Variants in RABGAP1 observed in about 807,000 individuals in gnomAD.
RABGAP1 encodes the protein RAB GTPase activating protein 1.
In RABGAP1, 23 loss-of-function variants were observed where a neutral mutation model predicts 137.6. The ratio of observed to expected loss-of-function variants is 0.17; its 90% CI spans 0.12 to 0.24. The LOEUF is 0.24. Among genes scored for constraint, RABGAP1 ranks in the 10% least tolerant of loss-of-function variants. The pLI is 1.00. For missense variants in RABGAP1, 906 were observed against 1,275.8 expected, an observed-to-expected ratio of 0.71 and a Z score of 4.42; for synonymous variants, 451 against 450.7, an observed-to-expected ratio of 1.00 and a Z score of -0.01.
At chr9:122,941,971 A>G (rs1334948306) in intron 1 of RABGAP1, among the ~76,000 whole-genome samples, 1 of 152,238 alleles carries the variant, frequency 6.6e-6, no homozygotes, top group Non-Finnish European at 1.5e-5. Flanking sequence ...GTGCTCCGTT[A>G]GTTTTAAATC....
intron 24 of RABGAP1, among the ~76,000 whole-genome samples, chr9:123,100,438 T>TGTGTGTGTGTGTGTG (rs1588418229): frequency 7.4e-6 from 1 of 135,792 alleles, no homozygotes. Context: ...TGTGTGTGTG[T>TGTGTGTGTGTGTGTG]TTGAGACAGA....
intron 19 of RABGAP1, among the ~76,000 whole-genome samples, chr9:123,087,293 T>G (rs2034898555): frequency 6.6e-6 from 1 of 152,176 alleles, no homozygotes; most frequent in African/African-American, 2.4e-5. Flanking sequence ...AATGAAAAGT[T>G]GAAGAAACTT....
At chr9:123,051,531 G>A (rs1447499723) in intron 13 of RABGAP1, among the ~76,000 whole-genome samples, 2 of 151,764 alleles carry the variant, frequency 1.3e-5, no homozygotes, top group Non-Finnish European at 2.9e-5. Flanking sequence ...ACAGGCATGA[G>A]CCACCACGCC....
intron 13 of RABGAP1, among the ~76,000 whole-genome samples, chr9:123,044,856 C>T (rs1250054046): frequency 1.3e-5 from 2 of 152,112 alleles, no homozygotes; most frequent in Admixed American, 6.5e-5. Context: ...TTCCTCTCCT[C>T]ACCCCAGACC....
At chr9:123,002,924 G>C (rs983690036) in intron 10 of RABGAP1, among the ~76,000 whole-genome samples, 1 of 152,026 alleles carries the variant, frequency 6.6e-6, no homozygotes, top group African/African-American at 2.4e-5. Flanking sequence ...GTGTGTATGT[G>C]GAAGCTCGGG....
intron 19 of RABGAP1, among the ~76,000 whole-genome samples, chr9:123,079,326 G>A (rs1366371626): frequency 6.8e-6 from 1 of 147,272 alleles, no homozygotes; most frequent in African/African-American, 2.5e-5. Context: ...TGCAACCTCC[G>A]CCTCCCGGGT....
chr9:123,098,685 A>G (rs1268328349), intron 22 of RABGAP1, 30 bp from the exon 23 acceptor site: 1 of 1,595,268 alleles, frequency 6.3e-7, no homozygotes, highest in Non-Finnish European at 8.6e-7. Flanking sequence ...TTCTGTTAAC[A>G]TAGTCCCTTT....
rs530605600 is a variant in RABGAP1, at chr9:123,012,607, G to A, written c.1549+2079G>A. Among the ~76,000 whole-genome samples the A allele has an allele frequency of 5.3e-5, 8 of 152,330 alleles. No individual in the cohort carries two copies. In the East Asian group the frequency reaches 1.5e-3, roughly 29 times the overall value. Reference sequence around the variant, plus strand: ...TACTGATAGTTCTTAACTAGGGAGAGATAAGGACTAATGGCAGTGTGTACC... The same window carrying A: ...TACTGATAGTTCTTAACTAGGGAGAAATAAGGACTAATGGCAGTGTGTACC... On this transcript the variant is annotated intron_variant, in intron 11 of 25. Coordinates refer to ENST00000373647, the MANE Select transcript of RABGAP1 (RefSeq NM_012197.4).
chr9:123,058,576 G>T (rs975299722), intron 13 of RABGAP1, among the ~76,000 whole-genome samples: 2 of 151,990 alleles, frequency 1.3e-5, no homozygotes, highest in Non-Finnish European at 2.9e-5. Flanking sequence ...AATGCAGTAA[G>T]GTATATCATT....
chr9:122,940,789 A>ATGTC (rs1307518279), upstream of RABGAP1: 1 of 152,866 alleles, frequency 6.5e-6, no homozygotes, highest in Non-Finnish European at 1.5e-5. Context: ...TACACAAGAC[A>ATGTC]GCCCAGGTCC....
chr9:122,990,765 G>A (rs1258303149), intron 6 of RABGAP1: 5 of 26,820 alleles, frequency 1.9e-4, no homozygotes, highest in Non-Finnish European at 1.7e-4. Flanking sequence ...ACGAAACTCC[G>A]TCTCAAAAAA....
intron 14 of RABGAP1, among the ~76,000 whole-genome samples, chr9:123,066,271 A>G (rs2034168428): frequency 6.6e-6 from 1 of 152,208 alleles, no homozygotes. Context: ...TTTAGATTTC[A>G]TTTTAACTTT....
chr9:123,079,661 T>C (rs1377969011), intron 19 of RABGAP1, among the ~76,000 whole-genome samples: 1 of 152,186 alleles, frequency 6.6e-6, no homozygotes. Context: ...CCCCTTCTCC[T>C]TCCAATTCAG....
intron 24 of RABGAP1, among the ~76,000 whole-genome samples, chr9:123,100,522 A>T (rs1486232027): frequency 6.6e-6 from 1 of 151,742 alleles, no homozygotes; most frequent in Non-Finnish European, 1.5e-5. Context: ...TCCCAGGTTC[A>T]AGCTATTCTC....
intron 10 of RABGAP1, among the ~76,000 whole-genome samples, chr9:123,008,821 AAAAG>A (rs1588261954): frequency 6.6e-6 from 1 of 152,184 alleles, no homozygotes; most frequent in African/African-American, 2.4e-5. Flanking sequence ...CCTTTCAAAA[AAAAG>A]AATGTTACAA....
chr9:122,989,216 A>G, intron 4 of RABGAP1, 81 bp from the exon 5 acceptor site: 1 of 1,254,826 alleles, frequency 8.0e-7, no homozygotes. Flanking sequence ...ACTAGAAAGA[A>G]TGAGTCTCAC....
At chr9:123,089,623 CA>C (rs1267325857) in intron 19 of RABGAP1, 134 bp from the exon 20 acceptor site, 6 of 669,506 alleles carry the variant, frequency 9.0e-6, no homozygotes, top group Non-Finnish European at 7.6e-6. Flanking sequence ...GATTTCCCTC[CA>C]AAAAAATAGG....
intron 21 of RABGAP1, among the ~76,000 whole-genome samples, chr9:123,092,352 T>A (rs1412066708): frequency 6.6e-6 from 1 of 152,236 alleles, no homozygotes; most frequent in Non-Finnish European, 1.5e-5. Flanking sequence ...GAGCTCCCAT[T>A]TACTGATGAT....
At chr9:122,952,670 A>C (rs1421460321) in intron 1 of RABGAP1, among the ~76,000 whole-genome samples, 1 of 152,058 alleles carries the variant, frequency 6.6e-6, no homozygotes, top group Non-Finnish European at 1.5e-5. Context: ...CGGGAGTTTG[A>C]GGCTGCAGTG....
Sources: gnomAD v4.1 joint callset for allele counts (sites outside exome capture counted in the v4.1 genomes callset) on GRCh38, gnomAD v4.1.1 for gene constraint, MANE v1.5 for transcripts, NCBI Gene and HGNC (gene_info 2026-07-23, HGNC 2026-07-21) for gene names.